The following ERCC6L2 variants were observed in gnomAD, a reference collection of about 807,000 sequenced individuals.
ERCC6L2 encodes the protein DNA excision repair protein ERCC-6-like 2.
In ERCC6L2, 77 loss-of-function variants were observed where a neutral mutation model predicts 132.0. The ratio of observed to expected loss-of-function variants is 0.58; its 90% CI spans 0.49 to 0.71. The LOEUF (loss-of-function observed/expected upper bound fraction) is 0.71, where lower values mean the gene tolerates loss of function less well. ERCC6L2 is among the 30% of genes least tolerant of loss of function. ERCC6L2 has a pLI of 0.00. For missense variants in ERCC6L2, 1,542 were observed against 1,837.6 expected (o/e 0.84, Z 2.94); for synonymous variants, 583 against 632.4 (o/e 0.92, Z 1.17).
chr9:95,972,766 A>G lies in ERCC6L2; in HGVS notation c.3015A>G (p.Arg1005=), dbSNP rs998706098. The G allele has an allele frequency of 4.6e-6, 6 of 1,303,622 alleles. No individual in the cohort carries two copies. The African/African-American group carries it at 6.1e-5, about 13-fold the overall frequency. The allele number at this position is 1,303,622 out of a possible 1,614,324, so 80.8% of individuals were successfully genotyped here. The change falls in exon 16 of 19, where the codon AGA becomes AGG. Residue 1005 remains arginine, a synonymous_variant. Coordinates refer to ENST00000653738, the MANE Select transcript of ERCC6L2 (RefSeq NM_020207.7). ...GAGCTAGTTCATTGAGGTTTAAGAG[A>G]ATAAAAGAAACCAAAAAAGAACTTC... ...RKRASSLRFK[R]IKETKKELHN...
At position 95,936,548 on chromosome 9, in the gene ERCC6L2, T is replaced by C. The variant is rs116812803; in HGVS notation, c.1752-4906T>C. On this transcript the variant is annotated intron_variant, in intron 11 of 18. Coordinates refer to ENST00000653738, the MANE Select transcript of ERCC6L2 (RefSeq NM_020207.7). ...AAGGCCATATGGATGTTAGCCACATTTTTAAATTAAACTTTTTATTCTGAG... is the reference window on the plus strand; with the variant it reads ...AAGGCCATATGGATGTTAGCCACATCTTTAAATTAAACTTTTTATTCTGAG... Among the ~76,000 whole-genome samples, 789 of 152,288 alleles carry C rather than the reference T, an allele frequency of 5.2e-3. 12 individuals carry two copies. Among genetic ancestry groups the C allele is most frequent in the African/African-American group, 0.017 (705 of 41,562 alleles).
chr9:95,907,826 T>TACACACACACACACACACACAC (rs373670619), intron 4 of ERCC6L2, among the ~76,000 whole-genome samples: 1 of 40,870 alleles, frequency 2.4e-5, no homozygotes, highest in African/African-American at 6.9e-5. Context: ...GGGCAAAAAC[T>TACACACACACACACACACACAC]ACACACACAC....
At chr9:96,030,646 G>T (rs1213884985) in intron 19 of ERCC6L2, among the ~76,000 whole-genome samples, 1 of 148,660 alleles carries the variant, frequency 6.7e-6, no homozygotes, top group Non-Finnish European at 1.5e-5. Flanking sequence ...AGCTTGCAGT[G>T]AGCCGAGATT....
At chr9:96,011,905 T>TAAATTGGCTCCTCATGA (rs1441456744) in intron 18 of ERCC6L2, among the ~76,000 whole-genome samples, 1 of 152,246 alleles carries the variant, frequency 6.6e-6, no homozygotes, top group African/African-American at 2.4e-5. Flanking sequence ...ATGATCCTCA[T>TAAATTGGCTCCTCATGA]GTCAGTCATA....
intron 12 of ERCC6L2, among the ~76,000 whole-genome samples, chr9:95,942,892 C>T (rs1212208539): frequency 2.6e-5 from 4 of 152,016 alleles, no homozygotes; most frequent in Non-Finnish European, 5.9e-5. Flanking sequence ...AAGTGAGAAA[C>T]AGGGAGAGAA....
At chr9:95,915,610 G>T (rs1829544536) in intron 4 of ERCC6L2, 58 bp from the exon 5 acceptor site, 1 of 1,500,106 alleles carries the variant, frequency 6.7e-7, no homozygotes, top group Non-Finnish European at 9.0e-7. Context: ...GTCTAAAATT[G>T]TAAGGACTAA....
chr9:95,928,394 T>C (rs985983493), intron 10 of ERCC6L2: 29 of 422,974 alleles, frequency 6.9e-5, no homozygotes, highest in Non-Finnish European at 1.0e-4. Flanking sequence ...AATTACAATG[T>C]TCTTTAAGAC....
chr9:95,973,122 G>A (rs547464196), intron 16 of ERCC6L2, 34 bp downstream of exon 16: 2 of 1,232,088 alleles, frequency 1.6e-6, no homozygotes, highest in Admixed American at 2.8e-5. Flanking sequence ...ACTTTAAAAA[G>A]TATATTTGTT....
At chr9:95,948,791 GAAAAAAAAAA>G (rs55712485) in intron 12 of ERCC6L2, among the ~76,000 whole-genome samples, 2 of 104,072 alleles carry the variant, frequency 1.9e-5, no homozygotes, top group East Asian at 4.8e-4. Flanking sequence ...CAAGACATTA[GAAAAAAAAAA>G]AAAAAAAGAA....
intron 2 of ERCC6L2, among the ~76,000 whole-genome samples, chr9:95,897,354 A>T (rs912927543): frequency 6.6e-6 from 1 of 152,298 alleles, no homozygotes; most frequent in African/African-American, 2.4e-5. Flanking sequence ...ATGAGCTGTT[A>T]TTCAAAATGT....
chr9:95,890,598 T>C (rs2132560572), intron 2 of ERCC6L2, among the ~76,000 whole-genome samples: 1 of 152,342 alleles, frequency 6.6e-6, no homozygotes, highest in South Asian at 2.1e-4. Flanking sequence ...GCTACTTTGT[T>C]TATTATATAC....
intron 1 of ERCC6L2, among the ~76,000 whole-genome samples, chr9:95,880,348 G>A (rs1038242440): frequency 6.6e-6 from 1 of 152,112 alleles, no homozygotes; most frequent in African/African-American, 2.4e-5. Context: ...GAACCACAAA[G>A]CATTGCTGTC....
chr9:95,978,156 G>A lies in ERCC6L2; in HGVS notation c.3433G>A (p.Val1145Ile), dbSNP rs565200304. The change falls in exon 17 of 19, where the codon GTA becomes ATA. Residue 1145 changes from valine (V) to isoleucine (I), a missense_variant. Val to Ile is a conservative substitution (Grantham distance 29). Coordinates refer to ENST00000653738, the MANE Select transcript of ERCC6L2 (RefSeq NM_020207.7). The part of the protein sequence containing the change: ...NHMSRWAAHD[V>I]FELKQFSQLP... The stretch of plus-strand genomic sequence containing the variant: ...CATGAGCCGATGGGCAGCACATGAC[G>A]TATTTGAGTTGAAGCAGTTTTCTCA... 29 of 1,367,312 alleles carry A rather than the reference G, an allele frequency of 2.1e-5. No homozygotes were observed. Among genetic ancestry groups the A allele is most frequent in the East Asian group, 9.1e-5 (2 of 21,972 alleles). 84.7% of individuals were successfully genotyped at this position (1,367,312 alleles called of 1,614,324 possible). A position where few individuals can be genotyped will look rare whatever the true frequency, so the allele number is the denominator to read the frequency against.
chr9:95,891,664 A>C (rs1483794154), intron 2 of ERCC6L2, among the ~76,000 whole-genome samples: 1 of 151,480 alleles, frequency 6.6e-6, no homozygotes, highest in Non-Finnish European at 1.5e-5. Flanking sequence ...TCCTACCAAC[A>C]ATTGTCCAGG....
chr9:95,994,928 T>A (rs541757634), intron 17 of ERCC6L2, among the ~76,000 whole-genome samples: 4 of 152,322 alleles, frequency 2.6e-5, no homozygotes, highest in Admixed American at 2.6e-4. Flanking sequence ...CCTCTACTGT[T>A]CTTTAGTAAC....
rs79218897 is a variant in ERCC6L2 at position 95,912,748 on chromosome 9, G to A, written c.789-2920G>A. ...CTAATCTACATCATTTTTCCAACTT[G>A]TATTTTTTAATTATATGACTTTTTG... On this transcript the variant is annotated intron_variant, in intron 4 of 18. Transcript: ENST00000653738. Among the ~76,000 whole-genome samples, 24 of 152,212 alleles carry A rather than the reference G, an allele frequency of 1.6e-4. 1 individual carries two copies. In the East Asian group the frequency reaches 3.3e-3, roughly 21 times the overall value.
At chr9:96,009,758 A>C (rs557243467) in intron 18 of ERCC6L2, among the ~76,000 whole-genome samples, 1 of 152,330 alleles carries the variant, frequency 6.6e-6, no homozygotes, top group East Asian at 1.9e-4. Context: ...AAATAAAGTG[A>C]ATGATAATTA....
At chr9:95,980,487 A>G (rs1195674560) in intron 17 of ERCC6L2, among the ~76,000 whole-genome samples, 1 of 152,204 alleles carries the variant, frequency 6.6e-6, no homozygotes, top group Non-Finnish European at 1.5e-5. Context: ...TCAGTGGCTG[A>G]CTTCAGTCAG....
chr9:96,003,464 T>G (rs182897961), intron 17 of ERCC6L2, among the ~76,000 whole-genome samples: 54 of 152,384 alleles, frequency 3.5e-4, no homozygotes, highest in Non-Finnish European at 7.3e-4. Context: ...TGATTCTTTC[T>G]ATCTAGAGTA....
Sources: gnomAD v4.1 joint callset for allele counts (sites outside exome capture counted in the v4.1 genomes callset) on GRCh38, gnomAD v4.1.1 for gene constraint, MANE v1.5 for transcripts, NCBI Gene and HGNC (gene_info 2026-07-23, HGNC 2026-07-21) for gene names.